NT5C3A: variants seen among roughly 807,000 people sequenced by gnomAD.
The protein encoded by NT5C3A is cytosolic 5'-nucleotidase 3A.
Under a neutral mutation model 40.0 loss-of-function variants are expected in NT5C3A, and 23 were observed. That is an observed-to-expected ratio of 0.58 (90% confidence interval 0.41 to 0.81). NT5C3A has a LOEUF of 0.81. Ranked by LOEUF, NT5C3A falls within the 40% of genes least tolerant of loss-of-function variation. The pLI is 0.00. For synonymous variants in NT5C3A, 130 were observed against 141.4 expected (o/e 0.92, Z 0.57); for missense variants, 328 against 403.0 (o/e 0.81, Z 1.59).
chr7:33,056,970 C>T (rs995780393), intron 1 of NT5C3A, among the ~76,000 whole-genome samples: 1 of 152,050 alleles, frequency 6.6e-6, no homozygotes, highest in Admixed American at 6.6e-5. Flanking sequence ...TGCCACCATG[C>T]CCGGCTAATT....
intron 1 of NT5C3A, among the ~76,000 whole-genome samples, chr7:33,031,477 A>C (rs1786252465): frequency 6.6e-6 from 1 of 151,850 alleles, no homozygotes; most frequent in Non-Finnish European, 1.5e-5. Flanking sequence ...AGTCCCAGAT[A>C]CTCGGAGGCT....
At chr7:33,030,485 GA>G (rs1228167789) in intron 1 of NT5C3A, among the ~76,000 whole-genome samples, 4 of 152,072 alleles carry the variant, frequency 2.6e-5, no homozygotes, top group Non-Finnish European at 5.9e-5. Flanking sequence ...AAAATTTTAT[GA>G]AAAATAAATA....
At chr7:33,021,871 A>C in intron 4 of NT5C3A, 182 bp downstream of exon 4, 1 of 553,206 alleles carries the variant, frequency 1.8e-6, no homozygotes, top group Non-Finnish European at 3.2e-6. Context: ...TTATCTTTAA[A>C]ATATGTTTTG....
chr7:33,032,214 G>A (rs1267826549), intron 1 of NT5C3A, among the ~76,000 whole-genome samples: 5 of 151,688 alleles, frequency 3.3e-5, no homozygotes, highest in African/African-American at 1.2e-4. Flanking sequence ...ACCAGAGGTC[G>A]GGAGTTCGAG....
At chr7:33,056,136 C>T (rs1249775957) in intron 1 of NT5C3A, among the ~76,000 whole-genome samples, 5 of 151,940 alleles carry the variant, frequency 3.3e-5, no homozygotes, top group African/African-American at 7.3e-5. Flanking sequence ...AAAAGAAAAG[C>T]ACCCATTCCA....
intron 1 of NT5C3A, among the ~76,000 whole-genome samples, chr7:33,041,564 T>C (rs1411342713): frequency 6.6e-6 from 1 of 152,128 alleles, no homozygotes; most frequent in Non-Finnish European, 1.5e-5. Flanking sequence ...GTCAAAAAAC[T>C]GTTAATAGTC....
chr7:33,023,978 A>T, intron 3 of NT5C3A, 61 bp downstream of exon 3: 4 of 976,786 alleles, frequency 4.1e-6, no homozygotes, highest in Non-Finnish European at 6.5e-6. Context: ...GGTAATATAA[A>T]GAGGATCTTA....
chr7:33,029,765 C>T, intron 1 of NT5C3A: 1 of 1,158,792 alleles, frequency 8.6e-7, no homozygotes, highest in Non-Finnish European at 1.1e-6. Context: ...TAAGGTCTTG[C>T]TGTGTTTCCC....
chr7:33,051,025 T>C (rs1394146611), intron 1 of NT5C3A, among the ~76,000 whole-genome samples: 1 of 152,222 alleles, frequency 6.6e-6, no homozygotes, highest in East Asian at 1.9e-4. Context: ...GTCAAGTTGT[T>C]AGGCTGAAGA....
At chr7:33,043,888 A>G (rs903860965) in intron 1 of NT5C3A, among the ~76,000 whole-genome samples, 1 of 152,192 alleles carries the variant, frequency 6.6e-6, no homozygotes, top group Non-Finnish European at 1.5e-5. Flanking sequence ...GGCCCTTTAC[A>G]TACATTGTAA....
rs1249065667 is a variant in NT5C3A, at chr7:33,014,409, T to C, written c.*321A>G. The C allele has an allele frequency of 4.3e-6, 2 of 466,284 alleles. No homozygotes were observed. Among genetic ancestry groups the C allele is most frequent in the Non-Finnish European group, 8.5e-6 (2 of 235,806 alleles). 28.9% of individuals were successfully genotyped at this position (466,284 alleles called of 1,614,324 possible). On this transcript the variant is annotated 3_prime_UTR_variant, in exon 9 of 9. Coordinates refer to ENST00000610140, the MANE Select transcript of NT5C3A (RefSeq NM_001002010.5). Reference sequence around the variant, plus strand: ...ACTTATTTTAAAATTTCTACAAACTTTCCCAGTGTAAAAGACTCCTCAAAA... The same window carrying C: ...ACTTATTTTAAAATTTCTACAAACTCTCCCAGTGTAAAAGACTCCTCAAAA...
chr7:33,021,678 C>T (rs1785637680), intron 4 of NT5C3A: 1 of 405,772 alleles, frequency 2.5e-6, no homozygotes, highest in Non-Finnish European at 4.5e-6. Flanking sequence ...AAGATATACA[C>T]AGACACATAC....
At chr7:33,046,676 C>T (rs765148978) in intron 1 of NT5C3A, among the ~76,000 whole-genome samples, 1 of 152,110 alleles carries the variant, frequency 6.6e-6, no homozygotes, top group African/African-American at 2.4e-5. Context: ...AGAAATGACA[C>T]TGATGTTACA....
In NT5C3A at chr7:33,015,663, T is replaced by C. The variant is rs765593466; in HGVS notation, c.894+7A>G. 2 of 1,568,408 alleles carry C rather than the reference T, an allele frequency of 1.3e-6. No homozygotes were observed. Among genetic ancestry groups the C allele is most frequent in the Non-Finnish European group, 1.8e-6 (2 of 1,140,396 alleles). On this transcript the variant is annotated splice_region_variant and intron_variant, in intron 8 of 8. Transcript: ENST00000610140. ...CTTCGAAAAAAATTACAGATTTGTA[T>C]ACTTACTCTATCATTTAGATATCCA...
At chr7:33,032,493 G>A (rs1185617930) in intron 1 of NT5C3A, among the ~76,000 whole-genome samples, 2 of 149,278 alleles carry the variant, frequency 1.3e-5, no homozygotes, top group Non-Finnish European at 3.0e-5. Context: ...GTCTTGCTCT[G>A]TCACCCAGGC....
chr7:33,051,898 G>A (rs1042109186), intron 1 of NT5C3A, among the ~76,000 whole-genome samples: 1 of 152,036 alleles, frequency 6.6e-6, no homozygotes, highest in African/African-American at 2.4e-5. Context: ...AAATCTTGTT[G>A]CTTTTAAAAA....
chr7:33,046,355 A>G (rs1475407659), intron 1 of NT5C3A, among the ~76,000 whole-genome samples: 5 of 152,206 alleles, frequency 3.3e-5, no homozygotes, highest in South Asian at 4.1e-4. Context: ...TGGGCAACAT[A>G]CAGAGGCCCT....
At chr7:33,036,068 G>T in intron 1 of NT5C3A, 1 of 1,071,730 alleles carries the variant, frequency 9.3e-7, no homozygotes, top group Non-Finnish European at 1.4e-6. Context: ...GGTTCTTCCT[G>T]TTATGCCAAT....
chr7:33,016,020 C>A, intron 7 of NT5C3A, 150 bp from the exon 8 acceptor site: 1 of 650,306 alleles, frequency 1.5e-6, no homozygotes, highest in Non-Finnish European at 2.7e-6. Context: ...TTAAGTCCAT[C>A]ACATTCACCA....
Sources: gnomAD v4.1 joint callset for allele counts (sites outside exome capture counted in the v4.1 genomes callset) on GRCh38, gnomAD v4.1.1 for gene constraint, MANE v1.5 for transcripts, NCBI Gene and HGNC (gene_info 2026-07-23, HGNC 2026-07-21) for gene names.